Variants in PCDH7 observed in about 807,000 individuals in gnomAD.
PCDH7 encodes protocadherin 7.
A neutral mutation model predicts 58.9 loss-of-function variants in PCDH7; 17 were observed. The ratio of observed to expected loss-of-function variants is 0.29; its 90% CI spans 0.20 to 0.43. The LOEUF (loss-of-function observed/expected upper bound fraction) is 0.43. PCDH7 is among the 20% of genes least tolerant of loss of function. PCDH7 has a pLI of 1.00. For missense variants in PCDH7, 1,274 were observed against 1,441.0 expected (o/e 0.88, Z 1.88); for synonymous variants, 664 against 616.4 (o/e 1.08, Z -1.14).
chr4:30,826,602 C>T (rs954349219), intron 1 of PCDH7, among the ~76,000 whole-genome samples: 3 of 152,066 alleles, frequency 2.0e-5, no homozygotes, highest in Non-Finnish European at 2.9e-5. Flanking sequence ...GGATATGCCT[C>T]ATCAAGAAAG....
chr4:31,078,299 T>C (rs535963063), intron 3 of PCDH7, among the ~76,000 whole-genome samples: 37 of 152,170 alleles, frequency 2.4e-4, no homozygotes, highest in Non-Finnish European at 3.7e-4. Context: ...CTCTCTCTTT[T>C]TAGAGACAGG....
intron 1 of PCDH7, 161 bp downstream of exon 1, chr4:30,724,757 A>G (rs1046108986): frequency 3.5e-6 from 5 of 1,447,572 alleles, no homozygotes; most frequent in East Asian, 2.5e-5. Flanking sequence ...AGCAAAGGCC[A>G]TCTACAAGAG....
At chr4:30,888,806 A>G (rs943564542) in intron 1 of PCDH7, among the ~76,000 whole-genome samples, 1 of 152,176 alleles carries the variant, frequency 6.6e-6, no homozygotes, top group African/African-American at 2.4e-5. Context: ...TGGCCAATGT[A>G]TATGAGTACT....
chr4:30,900,101 C>A (rs973190782), intron 1 of PCDH7, among the ~76,000 whole-genome samples: 1 of 152,250 alleles, frequency 6.6e-6, no homozygotes, highest in Middle Eastern at 3.4e-3. Context: ...ACCAGACACA[C>A]AAAGATTGGG....
At chr4:30,937,731 A>G (rs1351282163) in intron 2 of PCDH7, among the ~76,000 whole-genome samples, 1 of 152,052 alleles carries the variant, frequency 6.6e-6, no homozygotes, top group Non-Finnish European at 1.5e-5. Flanking sequence ...AAAGTGGATC[A>G]ATGACTCAGC....
chr4:30,818,045 G>C (rs1457627841), intron 1 of PCDH7, among the ~76,000 whole-genome samples: 1 of 152,084 alleles, frequency 6.6e-6, no homozygotes, highest in East Asian at 1.9e-4. Context: ...AACAAGGCCA[G>C]GTCTAGTCCC....
chr4:30,827,820 T>C (rs1046821806), intron 1 of PCDH7, among the ~76,000 whole-genome samples: 2 of 152,120 alleles, frequency 1.3e-5, no homozygotes, highest in African/African-American at 2.4e-5. Flanking sequence ...GGAAAACTTA[T>C]TGGAAGACAT....
At chr4:30,725,625 C>T (rs996431829) in intron 1 of PCDH7, among the ~76,000 whole-genome samples, 2 of 152,076 alleles carry the variant, frequency 1.3e-5, no homozygotes, top group African/African-American at 4.8e-5. Context: ...TTGGAAAGGA[C>T]TGTGTCTCAT....
chr4:30,811,310 A>G (rs1726968974), intron 1 of PCDH7, among the ~76,000 whole-genome samples: 1 of 152,196 alleles, frequency 6.6e-6, no homozygotes, highest in African/African-American at 2.4e-5. Context: ...ATAATTCTCT[A>G]GATATATAAA....
chr4:30,961,776 C>T (rs1748458475), intron 3 of PCDH7, among the ~76,000 whole-genome samples: 2 of 152,108 alleles, frequency 1.3e-5, no homozygotes, highest in African/African-American at 4.8e-5. Context: ...TGAACTGGTA[C>T]CACCTCATTG....
At chr4:30,824,379 G>A (rs761699844) in intron 1 of PCDH7, among the ~76,000 whole-genome samples, 4 of 151,712 alleles carry the variant, frequency 2.6e-5, no homozygotes, top group South Asian at 2.1e-4. Context: ...AATATTTCAC[G>A]GAGAGATATC....
At chr4:30,851,085 A>T (rs908804808) in intron 1 of PCDH7, among the ~76,000 whole-genome samples, 1 of 152,052 alleles carries the variant, frequency 6.6e-6, no homozygotes, top group Non-Finnish European at 1.5e-5. Context: ...GGTGAGTGAC[A>T]TGTTCTTCAT....
At chr4:31,083,419 T>G (rs2109272937) in intron 3 of PCDH7, among the ~76,000 whole-genome samples, 1 of 152,318 alleles carries the variant, frequency 6.6e-6, no homozygotes. Context: ...AGATTTTTAT[T>G]TAACATGCTC....
At chr4:30,961,783 A>G (rs554866603) in intron 3 of PCDH7, among the ~76,000 whole-genome samples, 59 of 152,238 alleles carry the variant, frequency 3.9e-4, no homozygotes, top group African/African-American at 1.3e-3. Flanking sequence ...GTACCACCTC[A>G]TTGTTTTTAC....
chr4:31,066,818 C>T (rs1038744336), intron 3 of PCDH7, among the ~76,000 whole-genome samples: 3 of 151,866 alleles, frequency 2.0e-5, no homozygotes, highest in Non-Finnish European at 4.4e-5. Context: ...AACTCTCCAC[C>T]TCCAAATAGT....
rs1303459328 is a variant in PCDH7 at position 30,767,895 on chromosome 4, A to AAATT, written c.70+43301_70+43302insTTAA. ...GGAAAATTCAAGCCCTGTTCCATTA[A>AAATT]AACCATTAAAGGAGCTGGCAAGATT... On this transcript the variant is annotated intron_variant, in intron 1 of 3. Transcript: ENST00000509759. 5.9e-5 allele frequency among the ~76,000 whole-genome samples: 9 copies of AAATT among 152,308 alleles called. No individual in the cohort carries two copies. The East Asian group carries it at 1.2e-3, about 20-fold the overall frequency.
intron 3 of PCDH7, among the ~76,000 whole-genome samples, chr4:31,136,763 G>C (rs1480504673): frequency 6.6e-6 from 1 of 152,144 alleles, no homozygotes; most frequent in East Asian, 1.9e-4. Flanking sequence ...CCCCAAACCG[G>C]CAAAAGGCAG....
At chr4:30,826,650 G>A (rs1230634076) in intron 1 of PCDH7, among the ~76,000 whole-genome samples, 1 of 152,110 alleles carries the variant, frequency 6.6e-6, no homozygotes. Flanking sequence ...TGTAGACCAT[G>A]ACGCTTACAA....
downstream of PCDH7, chr4:31,143,854 T>G (rs936528317): frequency 6.6e-6 from 1 of 152,220 alleles, no homozygotes; most frequent in Non-Finnish European, 1.5e-5. Flanking sequence ...TAAAATGGAT[T>G]TTATTTGAAA....
Sources: allele counts gnomAD v4.1 joint callset (sites outside exome capture counted in the v4.1 genomes callset), GRCh38; gene constraint gnomAD v4.1.1; transcripts MANE v1.5; gene names NCBI Gene and HGNC (gene_info 2026-07-23, HGNC 2026-07-21).